The following BTBD16 variants were observed in gnomAD, a reference collection of about 807,000 sequenced individuals.
BTBD16 encodes the protein BTB domain containing 16.
BTBD16 carries 66 observed loss-of-function variants against 67.4 expected under a neutral mutation model. The observed-to-expected ratio is 0.98, with a 90% CI of 0.80 to 1.20. The LOEUF (loss-of-function observed/expected upper bound fraction) is 1.20. Among genes scored for constraint, BTBD16 ranks in the 50% most tolerant of loss-of-function variants. The pLI is 0.00. For missense variants in BTBD16, 634 were observed against 616.0 expected, an observed-to-expected ratio of 1.03 and a Z score of -0.31; for synonymous variants, 242 against 236.4, an observed-to-expected ratio of 1.02 and a Z score of -0.22.
In BTBD16 at chr10:122,297,780, G is replaced by C. The variant is rs769765213; in HGVS notation, c.603G>C (p.Val201=). Residue 201 remains valine (V), a synonymous_variant, in exon 8 of 16, where the codon GTG becomes GTC. Transcript: ENST00000260723. The stretch of plus-strand genomic sequence containing the variant: ...TCTCTCTCTCCAGGTGCGTGGATGT[G>C]ATGATAGCCAGACTCAAGCCAAGCA... ...FSGLFQRCVD[V]MIARLKPSTI... is the part of the protein sequence containing the mutation. 1.9e-6 allele frequency: 3 copies of C among 1,614,182 alleles called. No homozygotes were observed. In the Admixed American group the frequency reaches 5.0e-5, roughly 27 times the overall value.
In BTBD16 at chr10:122,332,420, T is replaced by C. The variant is rs772588361; in HGVS notation, c.1087-16T>C. On this transcript the variant is annotated splice_polypyrimidine_tract_variant and intron_variant, in intron 12 of 15. Coordinates refer to ENST00000260723, the MANE Select transcript of BTBD16 (RefSeq NM_144587.5). ...GAGGATCCCACCGTGGTCAGCTGTG[T>C]GCATTTTCCTTTCAGCTGGAGAATG... is the stretch of plus-strand genomic sequence containing the variant. The C allele has an allele frequency of 6.2e-7, 1 of 1,613,428 alleles. No individual in the cohort carries two copies. The highest frequency in any genetic ancestry group is 1.1e-5 in the South Asian group (1 of 90,952).
chr10:122,297,708 T>A (rs922854175), intron 7 of BTBD16, 60 bp from the exon 8 acceptor site: 1 of 1,580,660 alleles, frequency 6.3e-7, no homozygotes, highest in African/African-American at 1.3e-5. Context: ...TCTCTGGGAC[T>A]TTCCGCTTCT....
chr10:122,331,443 C>T, intron 12 of BTBD16, 185 bp downstream of exon 12: 2 of 556,782 alleles, frequency 3.6e-6, no homozygotes, highest in Non-Finnish European at 4.6e-6. Context: ...GAGACCCAGC[C>T]TTGGAATCCG....
At chr10:122,311,615 A>C (rs927068805) in intron 10 of BTBD16, among the ~76,000 whole-genome samples, 2 of 152,238 alleles carry the variant, frequency 1.3e-5, no homozygotes, top group South Asian at 4.1e-4. Context: ...AAAGGGCAGA[A>C]GCAGGCAAAT....
intron 7 of BTBD16, chr10:122,295,489 G>A (rs2096381467): frequency 1.0e-6 from 1 of 985,382 alleles, no homozygotes; most frequent in Non-Finnish European, 1.2e-6. Flanking sequence ...AGGGGAGAGT[G>A]GCAGAGCCTC....
intron 5 of BTBD16, 33 bp downstream of exon 5, chr10:122,286,281 C>G: frequency 6.3e-7 from 1 of 1,579,620 alleles, no homozygotes; most frequent in Middle Eastern, 1.7e-4. Context: ...TGCTGGAGCC[C>G]CAGTGCCCTC....
chr10:122,280,984 T>C (rs1284491098), intron 3 of BTBD16, among the ~76,000 whole-genome samples: 3 of 152,122 alleles, frequency 2.0e-5, no homozygotes, highest in Non-Finnish European at 4.4e-5. Flanking sequence ...TTATTTAATG[T>C]TTTGTAGAGA....
At chr10:122,286,413 T>A in intron 5 of BTBD16, 165 bp downstream of exon 5, 2 of 655,794 alleles carry the variant, frequency 3.0e-6, no homozygotes, top group Non-Finnish European at 3.8e-6. Context: ...TCCTCAAGTG[T>A]AAAATGGGGA....
intron 1 of BTBD16, among the ~76,000 whole-genome samples, chr10:122,272,286 C>T (rs1325774383): frequency 6.6e-6 from 1 of 152,198 alleles, no homozygotes; most frequent in East Asian, 1.9e-4. Context: ...GATGAAGACA[C>T]CAGCAGCTGG....
At chr10:122,325,514 C>T (rs139190645) in intron 10 of BTBD16, among the ~76,000 whole-genome samples, 1 of 152,196 alleles carries the variant, frequency 6.6e-6, no homozygotes, top group African/African-American at 2.4e-5. Flanking sequence ...TCAGCCCTGA[C>T]TCAAAGAAAA....
chr10:122,286,202 G>A lies in BTBD16; in HGVS notation c.339G>A (p.Ala113=), dbSNP rs140722341. The A allele has an allele frequency of 1.8e-5, 29 of 1,613,818 alleles. No individual in the cohort carries two copies. Among genetic ancestry groups the A allele is most frequent in the South Asian group, 9.9e-5 (9 of 91,024 alleles). ...TLAKLYLKAL[A]QGTTHPLREL... is the part of the protein sequence containing the mutation. The stretch of plus-strand genomic sequence containing the variant: ...CCAAGCTCTACCTGAAAGCCCTGGC[G>A]CAGGGCACCACACACCCCCTGAGGG... The change falls in exon 5 of 16, where the codon GCG becomes GCA. Residue 113 remains alanine, a synonymous_variant. Transcript: ENST00000260723.
At chr10:122,319,325 T>C (rs1437500954) in intron 10 of BTBD16, among the ~76,000 whole-genome samples, 1 of 152,208 alleles carries the variant, frequency 6.6e-6, no homozygotes. Context: ...TGATTTTTCC[T>C]CTATGTTTTC....
At chr10:122,287,306 C>G in intron 5 of BTBD16, 1 of 480,226 alleles carries the variant, frequency 2.1e-6, no homozygotes, top group Non-Finnish European at 2.7e-6. Flanking sequence ...GTGAAAGGCT[C>G]TGGTGAGCCA....
At chr10:122,293,224 C>A (rs2096377206) in intron 7 of BTBD16, among the ~76,000 whole-genome samples, 1 of 152,154 alleles carries the variant, frequency 6.6e-6, no homozygotes, top group Non-Finnish European at 1.5e-5. Flanking sequence ...ACCATCCAAG[C>A]CAAGAGAAGA....
At position 122,307,255 on chromosome 10, in the gene BTBD16, C is replaced by T; in HGVS notation, c.858C>T (p.Asn286=). ...TMLLWVFLQL[N]YKIQAIPTYE... ...TTTTGTGGGTCTTCTTGCAACTGAACTACAAGATTCAGGCAATTCCGACTT... is the reference window on the plus strand; with the variant it reads ...TTTTGTGGGTCTTCTTGCAACTGAATTACAAGATTCAGGCAATTCCGACTT... Residue 286 remains asparagine (N), a synonymous_variant, in exon 10 of 16, where the codon AAC becomes AAT. Coordinates refer to ENST00000260723, the MANE Select transcript of BTBD16 (RefSeq NM_144587.5). The T allele has an allele frequency of 2.5e-6, 4 of 1,610,526 alleles. No homozygotes were observed. Among genetic ancestry groups the T allele is most frequent in the Non-Finnish European group, 3.4e-6 (4 of 1,178,936 alleles).
intron 5 of BTBD16, among the ~76,000 whole-genome samples, chr10:122,286,947 G>A (rs1008872136): frequency 3.3e-5 from 5 of 152,100 alleles, no homozygotes; most frequent in Non-Finnish European, 5.9e-5. Flanking sequence ...AAAATTCGAG[G>A]CCCCCAAAGC....
intron 11 of BTBD16, among the ~76,000 whole-genome samples, chr10:122,330,279 A>G (rs1277621796): frequency 6.6e-6 from 1 of 152,114 alleles, no homozygotes; most frequent in East Asian, 1.9e-4. Context: ...TTGTAGGGGA[A>G]CACTAACTCT....
At chr10:122,310,062 G>A (rs1013913454) in intron 10 of BTBD16, among the ~76,000 whole-genome samples, 1 of 152,178 alleles carries the variant, frequency 6.6e-6, no homozygotes, top group East Asian at 1.9e-4. Flanking sequence ...GTGAGCCACC[G>A]TGCTGGGTCC....
At chr10:122,288,283 G>A (rs1428354141) in intron 5 of BTBD16, among the ~76,000 whole-genome samples, 1 of 152,232 alleles carries the variant, frequency 6.6e-6, no homozygotes, top group Non-Finnish European at 1.5e-5. Context: ...ATGGGAGGCC[G>A]TGTAGTCATA....
Sources: allele counts gnomAD v4.1 joint callset (sites outside exome capture counted in the v4.1 genomes callset), GRCh38; gene constraint gnomAD v4.1.1; transcripts MANE v1.5; gene names NCBI Gene and HGNC (gene_info 2026-07-23, HGNC 2026-07-21).